BCKDHB: variants seen among roughly 807,000 people sequenced by gnomAD.
BCKDHB encodes branched chain keto acid dehydrogenase E1 subunit beta.
Under a neutral mutation model 48.5 loss-of-function variants are expected in BCKDHB, and 41 were observed. The observed-to-expected ratio is 0.85, with a 90% CI of 0.66 to 1.10. BCKDHB has a LOEUF of 1.10. BCKDHB is among the 50% of genes least tolerant of loss of function. BCKDHB has a pLI of 0.00. For synonymous variants in BCKDHB, 201 were observed against 174.8 expected, an observed-to-expected ratio of 1.15 and a Z score of -1.18; for missense variants, 496 against 494.2, an observed-to-expected ratio of 1.00 and a Z score of -0.03.
the BCKDHB span, among the ~76,000 whole-genome samples, chr6:80,376,280 A>T: frequency 1.3e-5 from 2 of 151,974 alleles, no homozygotes; most frequent in Admixed American, 1.3e-4. Flanking sequence ...GTTGCCAGGG[A>T]AGTGGGGGAA....
the BCKDHB span, among the ~76,000 whole-genome samples, chr6:80,380,992 G>T: frequency 2.6e-5 from 4 of 151,762 alleles, no homozygotes; most frequent in African/African-American, 7.3e-5. Context: ...TGAAGAGAGG[G>T]GATTTTAATT....
chr6:80,106,619 G>A (rs1471629970), upstream of BCKDHB: 17 of 1,486,036 alleles, frequency 1.1e-5, no homozygotes, highest in Non-Finnish European at 1.5e-5. Context: ...CAATGTGGAA[G>A]CCTCCTCGGG....
At chr6:80,387,667 C>T in the BCKDHB span, among the ~76,000 whole-genome samples, 1 of 152,246 alleles carries the variant, frequency 6.6e-6, no homozygotes, top group Non-Finnish European at 1.5e-5. Flanking sequence ...CCTTTTTCTC[C>T]ACTCCTGTCC....
chr6:80,455,770 C>T, the BCKDHB span, among the ~76,000 whole-genome samples: 1 of 151,986 alleles, frequency 6.6e-6, no homozygotes, highest in Non-Finnish European at 1.5e-5. Context: ...TTAGCTATCT[C>T]TTATCACATT....
At chr6:80,431,677 A>C in the BCKDHB span, among the ~76,000 whole-genome samples, 1 of 152,066 alleles carries the variant, frequency 6.6e-6, no homozygotes, top group Non-Finnish European at 1.5e-5. Context: ...TTGCCTGGTA[A>C]ATATTACTCC....
intron 9 of BCKDHB, among the ~76,000 whole-genome samples, chr6:80,337,083 C>G (rs1026222410): frequency 2.0e-5 from 3 of 152,098 alleles, no homozygotes; most frequent in African/African-American, 7.2e-5. Context: ...TGTTGGCATA[C>G]TGCCTTCACA....
the BCKDHB span, among the ~76,000 whole-genome samples, chr6:80,409,981 C>T: frequency 2.0e-5 from 3 of 151,934 alleles, no homozygotes; most frequent in East Asian, 5.8e-4. Flanking sequence ...GAATTTGATC[C>T]TCTCACTATG....
At chr6:80,362,920 G>A in the BCKDHB span, among the ~76,000 whole-genome samples, 2 of 152,116 alleles carry the variant, frequency 1.3e-5, no homozygotes, top group African/African-American at 4.8e-5. Context: ...TTAGATGTAA[G>A]TTTAAATAAA....
chr6:80,218,592 T>C (rs773977418), intron 8 of BCKDHB, among the ~76,000 whole-genome samples: 2 of 152,200 alleles, frequency 1.3e-5, no homozygotes, highest in Non-Finnish European at 2.9e-5. Flanking sequence ...TGAGTTATGA[T>C]ATTACCTGTA....
intron 8 of BCKDHB, among the ~76,000 whole-genome samples, chr6:80,242,984 C>T (rs3812126): frequency 0.41 from 61,961 of 151,928 alleles, 13,379 homozygotes; most frequent in Admixed American, 0.57. Context: ...ATCTCTCGAT[C>T]GGGCAAAGGA....
chr6:80,425,684 T>G, the BCKDHB span, among the ~76,000 whole-genome samples: 2 of 152,210 alleles, frequency 1.3e-5, no homozygotes, highest in Non-Finnish European at 2.9e-5. Context: ...CATGATCGTC[T>G]GCAAGGTTCT....
At chr6:80,363,509 A>G in the BCKDHB span, among the ~76,000 whole-genome samples, 3 of 152,186 alleles carry the variant, frequency 2.0e-5, no homozygotes, top group East Asian at 3.8e-4. Context: ...CTTTTTTCTC[A>G]TTCCTTTTCT....
chr6:80,203,053 G>A (rs924445326), intron 7 of BCKDHB, 49 bp from the exon 8 acceptor site: 38 of 1,318,108 alleles, frequency 2.9e-5, no homozygotes, highest in Non-Finnish European at 4.1e-5. Context: ...TAGTTTTTGA[G>A]GCTAGAACCT....
chr6:80,386,473 G>T, the BCKDHB span, among the ~76,000 whole-genome samples: 1 of 151,808 alleles, frequency 6.6e-6, no homozygotes, highest in African/African-American at 2.4e-5. Context: ...AAATAGATTT[G>T]TGAGGGCAGC....
At chr6:80,445,651 A>G in the BCKDHB span, among the ~76,000 whole-genome samples, 4 of 152,208 alleles carry the variant, frequency 2.6e-5, no homozygotes, top group Non-Finnish European at 5.9e-5. Flanking sequence ...TAAGATGCAG[A>G]GACTTGTAGC....
chr6:80,412,731 C>A, the BCKDHB span, among the ~76,000 whole-genome samples: 1 of 152,120 alleles, frequency 6.6e-6, no homozygotes, highest in Non-Finnish European at 1.5e-5. Flanking sequence ...ACTCCTTCAG[C>A]TTTTGTCTGG....
chr6:80,392,736 A>G, the BCKDHB span, among the ~76,000 whole-genome samples: 1 of 151,740 alleles, frequency 6.6e-6, no homozygotes, highest in Non-Finnish European at 1.5e-5. Flanking sequence ...TTACATTTTT[A>G]AATTAAATTA....
chr6:80,181,275 A>C (rs1773399598), intron 6 of BCKDHB, among the ~76,000 whole-genome samples: 2 of 152,190 alleles, frequency 1.3e-5, no homozygotes, highest in African/African-American at 4.8e-5. Context: ...CAACTGCTGA[A>C]AATCAGATAA....
chr6:80,286,563 T>C (rs1461196686), intron 9 of BCKDHB, among the ~76,000 whole-genome samples: 1 of 152,170 alleles, frequency 6.6e-6, no homozygotes, highest in Non-Finnish European at 1.5e-5. Flanking sequence ...TTATTTTCCT[T>C]AGGGACAAAC....
Sources: gnomAD v4.1 joint callset for allele counts (sites outside exome capture counted in the v4.1 genomes callset) on GRCh38, gnomAD v4.1.1 for gene constraint, MANE v1.5 for transcripts, NCBI Gene and HGNC (gene_info 2026-07-23, HGNC 2026-07-21) for gene names.